The following SLC14A2 variants were observed in gnomAD, a reference collection of about 807,000 sequenced individuals.
SLC14A2 encodes solute carrier family 14 member 2.
In SLC14A2, 91 loss-of-function variants were observed where a neutral mutation model predicts 104.6. The ratio of observed to expected loss-of-function variants is 0.87; its 90% CI spans 0.73 to 1.04. The LOEUF is 1.04. SLC14A2 is among the 50% of genes least tolerant of loss of function. The pLI, the probability that SLC14A2 is intolerant of heterozygous loss-of-function variation, is 0.00. For synonymous variants in SLC14A2, 476 were observed against 466.4 expected, an observed-to-expected ratio of 1.02 and a Z score of -0.27; for missense variants, 1,189 against 1,156.0, an observed-to-expected ratio of 1.03 and a Z score of -0.41.
At chr18:45,250,390 G>C (rs2084408900) in intron 1 of SLC14A2, among the ~76,000 whole-genome samples, 1 of 152,044 alleles carries the variant, frequency 6.6e-6, no homozygotes, top group African/African-American at 2.4e-5. Context: ...TATAACACGT[G>C]ATTGTCATAC....
intron 10 of SLC14A2, chr18:45,647,476 C>T (rs1287747189): frequency 6.6e-6 from 1 of 152,056 alleles, no homozygotes; most frequent in African/African-American, 2.4e-5. Flanking sequence ...TTTATTTGTC[C>T]TTTCTACTTG....
intron 1 of SLC14A2, among the ~76,000 whole-genome samples, chr18:45,399,336 T>C (rs556306550): frequency 1.3e-5 from 2 of 152,324 alleles, no homozygotes; most frequent in African/African-American, 4.8e-5. Context: ...GAGGCAAGCT[T>C]GCAGTGCTGA....
intron 2 of SLC14A2, among the ~76,000 whole-genome samples, chr18:45,524,371 C>A (rs2043561010): frequency 1.3e-5 from 2 of 152,190 alleles, no homozygotes; most frequent in Admixed American, 1.3e-4. Flanking sequence ...GCATTCAACT[C>A]AGCTGGGACT....
chr18:45,189,055 G>A, the SLC14A2 span, among the ~76,000 whole-genome samples: 54,971 of 152,060 alleles, frequency 0.36, 10,074 homozygotes, highest in Non-Finnish European at 0.4. Flanking sequence ...TGGGTTTTGT[G>A]ACTGTTTTCT....
chr18:45,672,758 A>T, intron 16 of SLC14A2, 142 bp from the exon 17 acceptor site: 1 of 651,142 alleles, frequency 1.5e-6, no homozygotes, highest in Non-Finnish European at 2.6e-6. Flanking sequence ...TGTTAAAGTT[A>T]ACCTATTTGA....
intron 1 of SLC14A2, among the ~76,000 whole-genome samples, chr18:45,392,480 T>C (rs551684927): frequency 1.3e-5 from 2 of 152,314 alleles, no homozygotes; most frequent in Admixed American, 1.3e-4. Context: ...ATAGCTCTGT[T>C]TAAAACAGGT....
intron 10 of SLC14A2, among the ~76,000 whole-genome samples, chr18:45,654,460 T>TG (rs1052973441): frequency 2.6e-5 from 4 of 152,072 alleles, no homozygotes; most frequent in African/African-American, 9.7e-5. Flanking sequence ...TAAGAAGTCC[T>TG]GGGGGAGAGA....
the SLC14A2 span, among the ~76,000 whole-genome samples, chr18:45,193,850 T>A: frequency 6.6e-6 from 1 of 152,172 alleles, no homozygotes; most frequent in South Asian, 2.1e-4. Context: ...ATGACTACAG[T>A]ATCTCTGTCC....
At chr18:45,198,466 A>C in the SLC14A2 span, among the ~76,000 whole-genome samples, 1 of 152,194 alleles carries the variant, frequency 6.6e-6, no homozygotes, top group Non-Finnish European at 1.5e-5. Flanking sequence ...AAAATTTTGC[A>C]TAATAGGCAT....
chr18:45,336,877 A>G (rs1026208400), intron 1 of SLC14A2, among the ~76,000 whole-genome samples: 1 of 152,272 alleles, frequency 6.6e-6, no homozygotes, highest in South Asian at 2.1e-4. Flanking sequence ...TCTTAAGTCA[A>G]TTGATTGACC....
intron 11 of SLC14A2, 151 bp from the exon 12 acceptor site, chr18:45,665,986 G>C (rs944953757): frequency 1.7e-6 from 1 of 575,984 alleles, no homozygotes; most frequent in Non-Finnish European, 3.1e-6. Flanking sequence ...AAGAGCCTTC[G>C]AGCTGCAAGG....
chr18:45,604,279 C>T (rs2044833155), intron 2 of SLC14A2, among the ~76,000 whole-genome samples: 1 of 152,158 alleles, frequency 6.6e-6, no homozygotes, highest in South Asian at 2.1e-4. Context: ...CCAGTTAATC[C>T]TAATGTCAGG....
chr18:45,176,074 A>C, the SLC14A2 span, among the ~76,000 whole-genome samples: 1 of 151,936 alleles, frequency 6.6e-6, no homozygotes, highest in Non-Finnish European at 1.5e-5. Flanking sequence ...CAGACTGCCA[A>C]GGAGGCTCTA....
chr18:45,560,565 GACAA>G (rs1222800114), intron 2 of SLC14A2, among the ~76,000 whole-genome samples: 1 of 152,146 alleles, frequency 6.6e-6, no homozygotes, highest in Non-Finnish European at 1.5e-5. Context: ...CTGCCTCTGA[GACAA>G]ACAATCCCCT....
chr18:45,664,938 G>A (rs987552188), intron 11 of SLC14A2, among the ~76,000 whole-genome samples: 2 of 152,134 alleles, frequency 1.3e-5, no homozygotes, highest in South Asian at 2.1e-4. Flanking sequence ...CTGTGGTTGG[G>A]GAGAGCATAG....
intron 1 of SLC14A2, among the ~76,000 whole-genome samples, chr18:45,378,508 G>T (rs1019272273): frequency 9.2e-5 from 14 of 152,306 alleles, no homozygotes; most frequent in Admixed American, 5.9e-4. Context: ...AAGTGATTCA[G>T]CAGAAAGCAT....
intron 1 of SLC14A2, among the ~76,000 whole-genome samples, chr18:45,361,642 C>T (rs1408432978): frequency 6.6e-6 from 1 of 152,168 alleles, no homozygotes; most frequent in African/African-American, 2.4e-5. Flanking sequence ...TCTGTGCCTG[C>T]ACCCAAGGGA....
At chr18:45,653,954 C>T (rs1320895584) in intron 10 of SLC14A2, among the ~76,000 whole-genome samples, 5 of 152,116 alleles carry the variant, frequency 3.3e-5, no homozygotes, top group South Asian at 2.1e-4. Context: ...AATGCTGGAG[C>T]GAGAATTCTA....
chr18:45,668,801 A>G lies in SLC14A2; in HGVS notation c.2036+324A>G, dbSNP rs533816586. 5.3e-5 allele frequency among the ~76,000 whole-genome samples: 8 copies of G among 152,270 alleles called. No homozygotes were observed. The East Asian group carries it at 1.5e-3, about 29-fold the overall frequency. Reference sequence around the variant, plus strand: ...TATAGGGTCCTGTCAGTTTCTGGAAATCTTTTCAACCCTCCCCTACCCCGG... The same window carrying G: ...TATAGGGTCCTGTCAGTTTCTGGAAGTCTTTTCAACCCTCCCCTACCCCGG... On this transcript the variant is annotated intron_variant, in intron 15 of 19. Coordinates refer to ENST00000255226, the MANE Select transcript of SLC14A2 (RefSeq NM_007163.4).
Sources: allele counts gnomAD v4.1 joint callset (sites outside exome capture counted in the v4.1 genomes callset), GRCh38; gene constraint gnomAD v4.1.1; transcripts MANE v1.5; gene names NCBI Gene and HGNC (gene_info 2026-07-23, HGNC 2026-07-21).